The following OOEP variants were observed in gnomAD, a reference collection of about 807,000 sequenced individuals.
OOEP encodes the protein oocyte-expressed protein homolog.
OOEP carries 16 observed loss-of-function variants against 13.7 expected under a neutral mutation model. That is an observed-to-expected ratio of 1.16 (90% CI 0.79 to 1.77). The LOEUF (loss-of-function observed/expected upper bound fraction) is 1.77. Ranked by LOEUF, OOEP falls within the 40% of genes most tolerant of loss-of-function variation. The probability of loss-of-function intolerance (pLI) is 0.00; values close to 1 mark genes in which losing one functional copy is unlikely to be tolerated. For synonymous variants in OOEP, 89 were observed against 77.1 expected (o/e 1.15, Z -0.81); for missense variants, 195 against 193.1 (o/e 1.01, Z -0.06).
At chr6:73,369,018 C>G (rs1769000512) in intron 2 of OOEP, among the ~76,000 whole-genome samples, 155 bp from the exon 3 acceptor site, 2 of 152,166 alleles carry the variant, frequency 1.3e-5, no homozygotes, top group African/African-American at 4.8e-5. Flanking sequence ...CTGAATCTAT[C>G]AGATCTCTGC....
chr6:73,371,317 A>C (rs980561966), upstream of OOEP, among the ~76,000 whole-genome samples: 1 of 151,530 alleles, frequency 6.6e-6, no homozygotes, highest in African/African-American at 2.4e-5. Context: ...TAAAACCTTA[A>C]CCTGGCCAGG....
At chr6:73,394,975 T>C in exon 1 of OOEP, 1 of 1,614,230 alleles carries the variant, frequency 6.2e-7, no homozygotes. Flanking sequence ...CTCGACAGTG[T>C]CCCGAGCGCC....
At chr6:73,370,641 C>T (rs1318985477), upstream of OOEP, among the ~76,000 whole-genome samples, 2 of 152,162 alleles carry the variant, frequency 1.3e-5, no homozygotes, top group Non-Finnish European at 2.9e-5. Context: ...AGGAAATCAT[C>T]CTGAAGCTAG....
exon 1 of OOEP, chr6:73,394,764 A>C: frequency 2.5e-6 from 3 of 1,209,706 alleles, no homozygotes; most frequent in Admixed American, 2.7e-5. Flanking sequence ...CGGGATAGAG[A>C]GCGTGGGCGG....
At chr6:73,368,922 C>T (rs1768998923) in intron 2 of OOEP, 59 bp from the exon 3 acceptor site, 13 of 1,326,086 alleles carry the variant, frequency 9.8e-6, no homozygotes, top group Non-Finnish European at 8.7e-6. Flanking sequence ...CTGTTTCGAA[C>T]TACTCCGTGA....
chr6:73,372,928 T>TTA (rs1554232790), upstream of OOEP, among the ~76,000 whole-genome samples: 2 of 147,184 alleles, frequency 1.4e-5, no homozygotes, highest in Non-Finnish European at 3.0e-5. Flanking sequence ...TTTTTTTTTT[T>TTA]AAAAACGAAA....
Position 73,394,818 on chromosome 6 carries a change from C to T in OOEP, c.-218G>A, listed in dbSNP as rs1261133226. On this transcript the variant is annotated 5_prime_UTR_variant, in exon 1 of 4. Transcript: ENST00000370363. ...GGCTCCTTAAGTAGCGGCTGCGTGG[C>T]TTCCCTGGCACGCTACTCTTACGAC... is the stretch of plus-strand genomic sequence containing the variant. 3 of 1,544,850 alleles carry T rather than the reference C, an allele frequency of 1.9e-6. No individual in the cohort carries two copies. In the East Asian group the frequency reaches 6.8e-5, roughly 35 times the overall value.
In OOEP at chr6:73,376,439, C is replaced by A. The variant is rs530879476; in HGVS notation, c.26-7054G>T. 9.9e-5 allele frequency among the ~76,000 whole-genome samples: 14 copies of A among 141,312 alleles called. No individual in the cohort carries two copies. In the South Asian group the frequency reaches 3.2e-3, roughly 32 times the overall value. The allele number at this position is 141,312 out of a possible 152,430, so 92.7% of individuals were successfully genotyped here. A position where few individuals can be genotyped will look rare whatever the true frequency, so the allele number is the denominator to read the frequency against. On this transcript the variant is annotated intron_variant, in intron 2 of 3. Coordinates refer to the OOEP transcript ENST00000370363. Reference sequence around the variant, plus strand: ...TTCACTTCACTGTCAAGATCTGATGCTGATCCTTATACATACAGCCCAACG... The same window carrying A: ...TTCACTTCACTGTCAAGATCTGATGATGATCCTTATACATACAGCCCAACG...
upstream of OOEP, among the ~76,000 whole-genome samples, chr6:73,374,692 G>A (rs746228745): frequency 2.0e-5 from 3 of 152,164 alleles, no homozygotes; most frequent in South Asian, 2.1e-4. Context: ...AAAGTGCTGG[G>A]ATTACGACAT....
At chr6:73,378,466 A>G (rs1769160638) in intron 2 of OOEP, among the ~76,000 whole-genome samples, 1 of 152,108 alleles carries the variant, frequency 6.6e-6, no homozygotes, top group South Asian at 2.1e-4. Flanking sequence ...TGCTCTTAAA[A>G]ATCATTGAGG....
intron 2 of OOEP, among the ~76,000 whole-genome samples, chr6:73,393,938 C>T (rs140547325): frequency 1.2e-4 from 19 of 152,292 alleles, no homozygotes; most frequent in African/African-American, 4.1e-4. Flanking sequence ...GTGCCCACTT[C>T]GTAACAAGGT....
chr6:73,380,231 A>G (rs1769184022), intron 2 of OOEP, among the ~76,000 whole-genome samples: 1 of 151,612 alleles, frequency 6.6e-6, no homozygotes, highest in South Asian at 2.1e-4. Context: ...GTGGTGATAC[A>G]AGTTTTCCAA....
At chr6:73,371,509 G>A (rs1769054322), upstream of OOEP, among the ~76,000 whole-genome samples, 1 of 152,118 alleles carries the variant, frequency 6.6e-6, no homozygotes, top group African/African-American at 2.4e-5. Flanking sequence ...AGCACTTTGG[G>A]AGGCTGAGGC....
upstream of OOEP, among the ~76,000 whole-genome samples, chr6:73,371,747 T>C (rs1481946428): frequency 7.3e-6 from 1 of 137,488 alleles, no homozygotes; most frequent in Non-Finnish European, 1.6e-5. Flanking sequence ...CAAAACTCTG[T>C]CTCAAAAATA....
chr6:73,375,541 T>C (rs1769125895), intron 2 of OOEP, among the ~76,000 whole-genome samples: 1 of 149,594 alleles, frequency 6.7e-6, no homozygotes, highest in African/African-American at 2.5e-5. Flanking sequence ...GATGGCACCA[T>C]TGCACTCCAG....
upstream of OOEP, chr6:73,370,061 C>G: frequency 2.0e-6 from 1 of 492,288 alleles, no homozygotes; most frequent in South Asian, 2.5e-5. Flanking sequence ...CTCCAATGCT[C>G]TCCTTCGTCA....
chr6:73,376,341 GTTGTTTTTT>G (rs1278284757), intron 2 of OOEP, among the ~76,000 whole-genome samples: 13 of 67,908 alleles, frequency 1.9e-4, no homozygotes, highest in Admixed American at 8.7e-4. Flanking sequence ...TGGACAAGGG[GTTGTTTTTT>G]TTTTTTTTTT....
chr6:73,390,703 C>T (rs1199851993), intron 2 of OOEP, among the ~76,000 whole-genome samples: 2 of 150,674 alleles, frequency 1.3e-5, no homozygotes, highest in African/African-American at 2.4e-5. Flanking sequence ...CAGCCTCTCA[C>T]GTAGCTGGAG....
intron 2 of OOEP, among the ~76,000 whole-genome samples, chr6:73,389,788 A>T (rs1254999524): frequency 6.6e-6 from 1 of 152,236 alleles, no homozygotes; most frequent in East Asian, 1.9e-4. Context: ...TGGCACATGT[A>T]TACATATGTA....
Sources: allele counts gnomAD v4.1 joint callset (sites outside exome capture counted in the v4.1 genomes callset), GRCh38; gene constraint gnomAD v4.1.1; transcripts MANE v1.5; gene names NCBI Gene and HGNC (gene_info 2026-07-23, HGNC 2026-07-21).